The following LRP1B variants were observed in gnomAD, a reference collection of about 807,000 sequenced individuals.
LRP1B encodes the protein low-density lipoprotein receptor-related protein 1B.
Under a neutral mutation model 556.6 loss-of-function variants are expected in LRP1B, and 217 were observed. That is an observed-to-expected ratio of 0.39 (90% CI 0.35 to 0.44). LRP1B has a LOEUF of 0.44. LRP1B is among the 20% of genes least tolerant of loss of function. The pLI is 1.00. For synonymous variants in LRP1B, 2,047 were observed against 1,865.8 expected (o/e 1.10, Z -2.50); for missense variants, 5,053 against 5,620.8 (o/e 0.90, Z 3.23).
At chr2:140,447,439 T>C (rs1686709257) in intron 63 of LRP1B, among the ~76,000 whole-genome samples, 1 of 152,114 alleles carries the variant, frequency 6.6e-6, no homozygotes, top group African/African-American at 2.4e-5. Flanking sequence ...ATGTTTACAC[T>C]ATACTGTAGT....
intron 79 of LRP1B, among the ~76,000 whole-genome samples, chr2:140,329,831 T>C (rs1573801641): frequency 6.6e-6 from 1 of 151,822 alleles, no homozygotes; most frequent in African/African-American, 2.4e-5. Flanking sequence ...AAGTAATTTA[T>C]ACATTCACTG....
At chr2:140,677,523 C>T (rs1176312941) in intron 41 of LRP1B, among the ~76,000 whole-genome samples, 3 of 152,086 alleles carry the variant, frequency 2.0e-5, no homozygotes, top group Admixed American at 6.5e-5. Context: ...TTGAAAGGAC[C>T]GTTTCTCAAT....
intron 1 of LRP1B, among the ~76,000 whole-genome samples, chr2:141,912,473 G>A (rs544439543): frequency 2.0e-5 from 3 of 152,188 alleles, no homozygotes; most frequent in East Asian, 1.9e-4. Flanking sequence ...AAAAAGGCTC[G>A]GGGCAAATCA....
intron 35 of LRP1B, among the ~76,000 whole-genome samples, chr2:140,748,763 A>AT (rs1274787199): frequency 1.6e-5 from 2 of 127,104 alleles, no homozygotes; most frequent in Non-Finnish European, 3.3e-5. Context: ...TATATTATAT[A>AT]CATGTATATA....
intron 2 of LRP1B, among the ~76,000 whole-genome samples, chr2:141,661,139 C>T (rs1287163086): frequency 6.6e-6 from 1 of 152,110 alleles, no homozygotes; most frequent in East Asian, 1.9e-4. Context: ...ACAACAGCAT[C>T]AACAAAATGT....
chr2:141,049,880 A>G (rs1698984747), intron 10 of LRP1B, among the ~76,000 whole-genome samples: 1 of 152,082 alleles, frequency 6.6e-6, no homozygotes, highest in Admixed American at 6.6e-5. Context: ...TATCAAAAAC[A>G]AAACGAAAAT....
chr2:141,612,724 C>A (rs1688149373), intron 2 of LRP1B, among the ~76,000 whole-genome samples: 2 of 152,160 alleles, frequency 1.3e-5, no homozygotes. Context: ...TAGGTTCAAC[C>A]CAGTAAATTC....
intron 31 of LRP1B, among the ~76,000 whole-genome samples, chr2:140,830,751 A>G (rs190658292): frequency 1.6e-4 from 25 of 152,118 alleles, no homozygotes; most frequent in African/African-American, 5.3e-4. Context: ...GTCCTAGCAA[A>G]CTAGAAAGGA....
At chr2:141,707,234 A>G (rs938372831) in intron 2 of LRP1B, among the ~76,000 whole-genome samples, 2 of 152,060 alleles carry the variant, frequency 1.3e-5, no homozygotes, top group Non-Finnish European at 2.9e-5. Flanking sequence ...AGATTCACCC[A>G]GGCTAAATCT....
chr2:141,695,439 G>C (rs548193017), intron 2 of LRP1B, among the ~76,000 whole-genome samples: 1 of 152,054 alleles, frequency 6.6e-6, no homozygotes, highest in East Asian at 1.9e-4. Context: ...GCTGTAACAA[G>C]TTCTTCATGG....
intron 31 of LRP1B, among the ~76,000 whole-genome samples, chr2:140,822,308 T>C (rs532377070): frequency 6.6e-6 from 1 of 152,316 alleles, no homozygotes; most frequent in East Asian, 1.9e-4. Context: ...TGTTGATTTG[T>C]ATTGAACAGA....
chr2:141,887,139 G>T (rs1699148511), intron 1 of LRP1B, among the ~76,000 whole-genome samples: 1 of 152,038 alleles, frequency 6.6e-6, no homozygotes, highest in Non-Finnish European at 1.5e-5. Flanking sequence ...GGGATTACAG[G>T]CATGTGCCAC....
intron 1 of LRP1B, among the ~76,000 whole-genome samples, chr2:141,865,147 A>G (rs2105792317): frequency 6.6e-6 from 1 of 152,252 alleles, no homozygotes; most frequent in East Asian, 1.9e-4. Flanking sequence ...TCTTGTTCTC[A>G]AGATCTTGTC....
At chr2:141,852,447 G>A (rs907786721) in intron 1 of LRP1B, among the ~76,000 whole-genome samples, 1 of 151,704 alleles carries the variant, frequency 6.6e-6, no homozygotes, top group Non-Finnish European at 1.5e-5. Flanking sequence ...TTCACATAAG[G>A]CAGGCAAACA....
intron 7 of LRP1B, among the ~76,000 whole-genome samples, chr2:141,105,525 T>C (rs1574077935): frequency 1.3e-5 from 2 of 152,138 alleles, no homozygotes; most frequent in Non-Finnish European, 2.9e-5. Flanking sequence ...GTTTCTGTTA[T>C]AAGACGGAGA....
chr2:141,332,493 CT>C (rs1687690325), intron 3 of LRP1B, among the ~76,000 whole-genome samples: 1 of 151,656 alleles, frequency 6.6e-6, no homozygotes. Flanking sequence ...TCTAAGGCCC[CT>C]GACTTTTTTA....
At chr2:141,608,053 T>C (rs1687978934) in intron 2 of LRP1B, among the ~76,000 whole-genome samples, 1 of 152,032 alleles carries the variant, frequency 6.6e-6, no homozygotes, top group Non-Finnish European at 1.5e-5. Flanking sequence ...GGAGGAACCC[T>C]GTCTCTGCTA....
intron 37 of LRP1B, among the ~76,000 whole-genome samples, chr2:140,703,354 T>C (rs1174765768): frequency 1.3e-5 from 2 of 152,110 alleles, no homozygotes; most frequent in Non-Finnish European, 2.9e-5. Context: ...TAAAATAAAA[T>C]GTAGAAAAAC....
intron 18 of LRP1B, among the ~76,000 whole-genome samples, chr2:140,958,288 T>C (rs1381404361): frequency 6.6e-6 from 1 of 151,540 alleles, no homozygotes; most frequent in Middle Eastern, 3.4e-3. Context: ...ATAAAATAGG[T>C]AAGTCAAAAT....
Sources: gnomAD v4.1 joint callset for allele counts (sites outside exome capture counted in the v4.1 genomes callset) on GRCh38, gnomAD v4.1.1 for gene constraint, MANE v1.5 for transcripts, NCBI Gene and HGNC (gene_info 2026-07-23, HGNC 2026-07-21) for gene names.